Variants in TNC observed in about 807,000 individuals in gnomAD.
TNC encodes tenascin.
Under a neutral mutation model 202.4 loss-of-function variants are expected in TNC, and 109 were observed. That is an observed-to-expected ratio of 0.54 (90% CI 0.46 to 0.63). The LOEUF (loss-of-function observed/expected upper bound fraction) is 0.63, where lower values mean the gene tolerates loss of function less well. Among genes scored for constraint, TNC ranks in the 30% least tolerant of loss-of-function variants. The probability of loss-of-function intolerance (pLI) is 0.00; values close to 1 mark genes in which losing one functional copy is unlikely to be tolerated. For synonymous variants in TNC, 1,007 were observed against 1,089.7 expected, an observed-to-expected ratio of 0.92 and a Z score of 1.50; for missense variants, 2,756 against 2,833.3, an observed-to-expected ratio of 0.97 and a Z score of 0.62.
chr9:115,025,540 C>T (rs577720858), intron 26 of TNC, among the ~76,000 whole-genome samples: 4 of 152,114 alleles, frequency 2.6e-5, no homozygotes, highest in African/African-American at 9.7e-5. Flanking sequence ...TGGGGGTGGT[C>T]CACACTCTCA....
chr9:115,062,866 A>T (rs774487938), intron 13 of TNC, 51 bp downstream of exon 13: 1 of 1,573,002 alleles, frequency 6.4e-7, no homozygotes, highest in Non-Finnish European at 8.7e-7. Flanking sequence ...CTCTATTTCA[A>T]TGACATGCTG....
At chr9:115,029,258 C>G (rs1036037373) in intron 25 of TNC, 102 bp downstream of exon 25, 10 of 975,204 alleles carry the variant, frequency 1.0e-5, no homozygotes, top group Non-Finnish European at 1.6e-5. Flanking sequence ...AGTAGTTCTT[C>G]TTCCTCATCT....
intron 1 of TNC, among the ~76,000 whole-genome samples, chr9:115,109,386 T>A (rs1836867358): frequency 1.3e-5 from 2 of 152,220 alleles, no homozygotes; most frequent in South Asian, 4.1e-4. Context: ...TTAAAGAAGC[T>A]AAGTAACTTG....
In TNC at chr9:115,035,803, T is replaced by A. The variant is rs1279197028; in HGVS notation, c.5656+295A>T. ...AATATTTTCCTGCCTGGAACGTGGA[T>A]CATTAAATACTAGGTTTAGGGCCAG... On this transcript the variant is annotated intron_variant, in intron 21 of 27. Coordinates refer to ENST00000350763, the MANE Select transcript of TNC (RefSeq NM_002160.4). 1.2e-5 allele frequency: 4 copies of A among 339,312 alleles called. No individual in the cohort carries two copies. In the East Asian group the frequency reaches 1.9e-4, roughly 16 times the overall value. 21.0% of individuals were successfully genotyped at this position (339,312 alleles called of 1,614,324 possible).
At chr9:115,082,865 G>A (rs1834409608) in intron 4 of TNC, 58 bp from the exon 5 acceptor site, 6 of 1,207,424 alleles carry the variant, frequency 5.0e-6, no homozygotes, top group Admixed American at 1.7e-5. Context: ...ATTGGGCAAC[G>A]CGGCCACGAT....
chr9:115,036,265 A>G, intron 20 of TNC, 24 bp from the exon 21 acceptor site: 7 of 1,612,724 alleles, frequency 4.3e-6, no homozygotes, highest in Non-Finnish European at 5.9e-6. Context: ...ACACATACCA[A>G]GGCAGTCACC....
chr9:115,053,027 A>G lies in TNC; in HGVS notation c.4579+4126T>C, dbSNP rs140497998. ...CTGTGGCTTTGGTTCTAAAGAAGGA[A>G]TATGGGCAGAGAGAAAGAGAGAGAC... On this transcript the variant is annotated intron_variant, in intron 15 of 27. Coordinates refer to ENST00000350763, the MANE Select transcript of TNC (RefSeq NM_002160.4). 1.8e-3 allele frequency: 1,223 copies of G among 695,442 alleles called. 10 individuals carry two copies. The African/African-American group carries it at 0.018, about 10-fold the overall frequency. 43.1% of individuals were successfully genotyped at this position (695,442 alleles called of 1,614,324 possible). A position where few individuals can be genotyped will look rare whatever the true frequency, so the allele number is the denominator to read the frequency against.
intron 1 of TNC, among the ~76,000 whole-genome samples, chr9:115,099,675 C>G (rs571796905): frequency 6.6e-6 from 1 of 152,290 alleles, no homozygotes; most frequent in South Asian, 2.1e-4. Flanking sequence ...TGAGATAATA[C>G]AGGCAAAACA....
In TNC at chr9:115,057,046, T is replaced by C. The variant is rs141028576; in HGVS notation, c.4579+107A>G. ...ACCCCAGCCTAGCACCATGGAAGAGTTAGTGCCCTGTGGCTTGTACATCAA... is the reference window on the plus strand; with the variant it reads ...ACCCCAGCCTAGCACCATGGAAGAGCTAGTGCCCTGTGGCTTGTACATCAA... On this transcript the variant is annotated intron_variant, in intron 15 of 27. Transcript: ENST00000350763. 3.0e-6 allele frequency: 4 copies of C among 1,355,618 alleles called. No individual in the cohort carries two copies. In the East Asian group the frequency reaches 9.3e-5, roughly 32 times the overall value. The allele number at this position is 1,355,618 out of a possible 1,614,324, so 84.0% of individuals were successfully genotyped here. A position where few individuals can be genotyped will look rare whatever the true frequency, so the allele number is the denominator to read the frequency against.
At chr9:115,039,792 T>G (rs1830596536) in intron 19 of TNC, among the ~76,000 whole-genome samples, 1 of 152,226 alleles carries the variant, frequency 6.6e-6, no homozygotes, top group African/African-American at 2.4e-5. Context: ...GTGATGACAA[T>G]GGGGCATTGG....
chr9:115,108,362 G>C (rs966193012), intron 1 of TNC, among the ~76,000 whole-genome samples: 1 of 152,154 alleles, frequency 6.6e-6, no homozygotes, highest in African/African-American at 2.4e-5. Context: ...ATTACAGCAA[G>C]ATATCTCAGA....
At chr9:115,080,587 G>A (rs1352473580) in intron 6 of TNC, among the ~76,000 whole-genome samples, 1 of 152,092 alleles carries the variant, frequency 6.6e-6, no homozygotes, top group Non-Finnish European at 1.5e-5. Context: ...TTTCCTATAT[G>A]GAAGTGCAAA....
At chr9:115,057,086 G>C in intron 15 of TNC, 67 bp downstream of exon 15, 1 of 1,527,688 alleles carries the variant, frequency 6.5e-7, no homozygotes, top group Non-Finnish European at 8.8e-7. Context: ...AGAGGAGAAG[G>C]AGAGGCTTCA....
At chr9:115,041,632 T>C (rs914704702) in intron 18 of TNC, among the ~76,000 whole-genome samples, 40 of 152,210 alleles carry the variant, frequency 2.6e-4, no homozygotes, top group African/African-American at 9.2e-4. Context: ...AGACTTCCTA[T>C]AGAGACAAAA....
chr9:115,116,421 C>A (rs1169750499), intron 1 of TNC, among the ~76,000 whole-genome samples: 2 of 152,142 alleles, frequency 1.3e-5, no homozygotes, highest in African/African-American at 4.8e-5. Context: ...GACTTGTATG[C>A]GCACAAAGCC....
At chr9:115,027,917 G>T (rs940287737) in intron 25 of TNC, among the ~76,000 whole-genome samples, 17 of 152,060 alleles carry the variant, frequency 1.1e-4, no homozygotes, top group African/African-American at 4.1e-4. Flanking sequence ...AAAATCACCT[G>T]GTGACCATCA....
At chr9:115,027,452 T>C (rs1258197092) in intron 25 of TNC, among the ~76,000 whole-genome samples, 2 of 151,752 alleles carry the variant, frequency 1.3e-5, no homozygotes, top group East Asian at 2.0e-4. Context: ...TAGGAGGGCA[T>C]GGTGGAGGGT....
At chr9:115,053,547 T>A (rs1410667571) in intron 15 of TNC, among the ~76,000 whole-genome samples, 1 of 152,252 alleles carries the variant, frequency 6.6e-6, no homozygotes, top group Non-Finnish European at 1.5e-5. Context: ...TTGGCCCAAA[T>A]TTCATAAACT....
At chr9:115,093,859 C>T (rs1198005055) in intron 1 of TNC, among the ~76,000 whole-genome samples, 1 of 152,054 alleles carries the variant, frequency 6.6e-6, no homozygotes, top group Admixed American at 6.5e-5. Context: ...AATGTTGCAT[C>T]GTTGGGGGAA....
Sources: gnomAD v4.1 joint callset for allele counts (sites outside exome capture counted in the v4.1 genomes callset) on GRCh38, gnomAD v4.1.1 for gene constraint, MANE v1.5 for transcripts, NCBI Gene and HGNC (gene_info 2026-07-23, HGNC 2026-07-21) for gene names.